Variants in NT5DC3 observed in about 807,000 individuals in gnomAD.
NT5DC3 encodes the protein 5'-nucleotidase domain-containing protein 3.
NT5DC3 carries 42 observed loss-of-function variants against 67.8 expected under a neutral mutation model. That is an observed-to-expected ratio of 0.62 (90% CI 0.48 to 0.80). NT5DC3 has a LOEUF of 0.80. Among genes scored for constraint, NT5DC3 ranks in the 30% least tolerant of loss-of-function variants. The pLI, the probability that NT5DC3 is intolerant of heterozygous loss-of-function variation, is 0.00. For synonymous variants in NT5DC3, 237 were observed against 255.6 expected (o/e 0.93, Z 0.69); for missense variants, 570 against 696.4 (o/e 0.82, Z 2.04).
intron 12 of NT5DC3, among the ~76,000 whole-genome samples, chr12:103,782,488 C>T (rs1341476255): frequency 6.6e-6 from 1 of 152,242 alleles, no homozygotes; most frequent in East Asian, 1.9e-4. Context: ...CTGTCCACGG[C>T]TGCTTTTGTG....
chr12:103,785,502 A>G (rs748044208), intron 11 of NT5DC3, 27 bp from the exon 12 acceptor site: 1 of 1,612,372 alleles, frequency 6.2e-7, no homozygotes, highest in African/African-American at 1.3e-5. Context: ...CGAAAAGTCA[A>G]CGTCAGTCTC....
intron 11 of NT5DC3, among the ~76,000 whole-genome samples, chr12:103,786,324 T>A (rs1486752294): frequency 1.3e-5 from 2 of 151,834 alleles, no homozygotes; most frequent in Non-Finnish European, 2.9e-5. Context: ...AGTATGAAAA[T>A]ATGTGGAAAC....
intron 6 of NT5DC3, among the ~76,000 whole-genome samples, chr12:103,794,231 C>A (rs1220200714): frequency 5.3e-5 from 8 of 151,616 alleles, no homozygotes; most frequent in Non-Finnish European, 1.2e-4. Flanking sequence ...CTCAATGCAG[C>A]CTCTGCCTCC....
chr12:103,758,830 G>A, the NT5DC3 span, among the ~76,000 whole-genome samples: 2 of 152,290 alleles, frequency 1.3e-5, no homozygotes, highest in East Asian at 1.9e-4. Context: ...CTGAGGCTCC[G>A]ACAGCCCCAC....
rs1886588714 is a variant in NT5DC3 at position 103,801,648 on chromosome 12, T to C, written c.525-2971A>G. On this transcript the variant is annotated intron_variant, in intron 4 of 13. Transcript: ENST00000392876. ...TACCTGCCTCAGCCTCCCAAAGTGC[T>C]GGGATTACAGGCACGAGCCACAGTG... is the stretch of plus-strand genomic sequence containing the variant. Among the ~76,000 whole-genome samples, 3 of 152,102 alleles carry C rather than the reference T, an allele frequency of 2.0e-5. No individual in the cohort carries two copies. In the South Asian group the frequency reaches 6.2e-4, roughly 31 times the overall value.
At chr12:103,755,459 G>C in the NT5DC3 span, 1 of 1,613,876 alleles carries the variant, frequency 6.2e-7, no homozygotes. Flanking sequence ...TTCTGCTATC[G>C]GATGAAAGGT....
chr12:103,766,472 C>A, downstream of NT5DC3: 1 of 1,023,774 alleles, frequency 9.8e-7, no homozygotes. Flanking sequence ...TCTGGCTGAT[C>A]TGGGGGTTGT....
chr12:103,782,663 G>C lies in NT5DC3; in HGVS notation c.1330-2299C>G, dbSNP rs11111768. Reference sequence around the variant, plus strand: ...CTACCAATGCCAGCACCACCACCATGAACCACAGCCATTTTGGAATGCACT... The same window carrying C: ...CTACCAATGCCAGCACCACCACCATCAACCACAGCCATTTTGGAATGCACT... On this transcript the variant is annotated intron_variant, in intron 12 of 13. Coordinates refer to ENST00000392876, the MANE Select transcript of NT5DC3 (RefSeq NM_001031701.3). Among the ~76,000 whole-genome samples, 142 of 152,268 alleles carry C rather than the reference G, an allele frequency of 9.3e-4. 1 individual carries two copies. Among genetic ancestry groups the C allele is most frequent in the Non-Finnish European group, 1.3e-3 (90 of 68,028 alleles).
At chr12:103,781,784 AG>A (rs201727050) in intron 12 of NT5DC3, among the ~76,000 whole-genome samples, 1,695 of 152,340 alleles carry the variant, frequency 0.011, 12 homozygotes, top group Middle Eastern at 0.02. Flanking sequence ...CATGCACTCT[AG>A]AGTGGGTACT....
rs766607290 is a variant in NT5DC3 at position 103,794,148 on chromosome 12, C to CTTT, written c.754-152_754-151insAAA. The CTTT allele has an allele frequency of 8.9e-3, 4,312 of 485,870 alleles. 42 individuals are homozygous for CTTT. Among genetic ancestry groups the CTTT allele is most frequent in the East Asian group, 0.032 (691 of 21,756 alleles). The allele number at this position is 485,870 out of a possible 1,614,324, so 30.1% of individuals were successfully genotyped here. On this transcript the variant is annotated intron_variant, in intron 6 of 13. Coordinates refer to ENST00000392876, the MANE Select transcript of NT5DC3 (RefSeq NM_001031701.3). ...AATCTAAATTCTGGTCCATTTTCTTCTTCTTTTTTTTTTTTTTTTGAGACA... is the reference window on the plus strand; with the variant it reads ...AATCTAAATTCTGGTCCATTTTCTTCTTTTTCTTTTTTTTTTTTTTTTGAGACA...
Position 103,785,751 on chromosome 12 carries a change from T to TAAA in NT5DC3, c.1189-279_1189-277dup, listed in dbSNP as rs201632707. 909 of 366,696 alleles carry TAAA rather than the reference T, an allele frequency of 2.5e-3. 11 individuals carry two copies. Among genetic ancestry groups the TAAA allele is most frequent in the African/African-American group, 4.2e-3 (125 of 29,876 alleles). The allele number at this position is 366,696 out of a possible 1,614,324, so 22.7% of individuals were successfully genotyped here. A position where few individuals can be genotyped will look rare whatever the true frequency, so the allele number is the denominator to read the frequency against. On this transcript the variant is annotated intron_variant, in intron 11 of 13. Coordinates refer to ENST00000392876, the MANE Select transcript of NT5DC3 (RefSeq NM_001031701.3). ...GTCTGGAATCATTAACCATGGTCTG[T>TAAA]AAAAAAAAAAAAAAAAAAAAAAAAA... is the stretch of plus-strand genomic sequence containing the variant.
At chr12:103,778,520 A>C (rs1023778780) in intron 13 of NT5DC3, among the ~76,000 whole-genome samples, 1 of 141,366 alleles carries the variant, frequency 7.1e-6, no homozygotes, top group African/African-American at 2.7e-5. Flanking sequence ...AACAGAGCGA[A>C]ACTCCGTCTC....
chr12:103,803,632 C>T (rs1886673200), intron 4 of NT5DC3, among the ~76,000 whole-genome samples: 1 of 152,042 alleles, frequency 6.6e-6, no homozygotes, highest in African/African-American at 2.4e-5. Flanking sequence ...CTTCTCCCAC[C>T]CTCCACCCTC....
intron 4 of NT5DC3, among the ~76,000 whole-genome samples, chr12:103,805,813 TGC>T (rs1439206585): frequency 7.7e-6 from 1 of 130,226 alleles, no homozygotes; most frequent in African/African-American, 3.0e-5. Flanking sequence ...GCCATTGCAC[TGC>T]AGCCTGGGCA....
At chr12:103,802,300 G>A (rs1886623124) in intron 4 of NT5DC3, 1 of 152,202 alleles carries the variant, frequency 6.6e-6, no homozygotes, top group African/African-American at 2.4e-5. Context: ...ACCACAAGTT[G>A]GCCATGGAGG....
intron 6 of NT5DC3, 39 bp from the exon 7 acceptor site, chr12:103,794,036 T>G (rs1292891315): frequency 6.8e-7 from 1 of 1,477,058 alleles, no homozygotes; most frequent in Non-Finnish European, 9.5e-7. Context: ...AAAATACAAC[T>G]GAGATAGCCT....
At chr12:103,810,947 G>A (rs1400206789) in intron 2 of NT5DC3, among the ~76,000 whole-genome samples, 2 of 152,148 alleles carry the variant, frequency 1.3e-5, no homozygotes, top group Non-Finnish European at 2.9e-5. Flanking sequence ...TAGAGGCAAC[G>A]CAGAAGGGAA....
At chr12:103,748,015 G>GGGAA in the NT5DC3 span, among the ~76,000 whole-genome samples, 1 of 144,970 alleles carries the variant, frequency 6.9e-6, no homozygotes, top group Non-Finnish European at 1.5e-5. Context: ...AAAAAAAAAA[G>GGGAA]GGAAGAAGAA....
chr12:103,841,113 G>C lies in NT5DC3; in HGVS notation c.44C>G (p.Ala15Gly). 2 of 1,058,418 alleles carry C rather than the reference G, an allele frequency of 1.9e-6. No individual in the cohort carries two copies. The highest frequency in any genetic ancestry group is 2.5e-6 in the Non-Finnish European group (2 of 815,784). The allele number at this position is 1,058,418 out of a possible 1,614,324, so 65.6% of individuals were successfully genotyped here. ...AAAVVARGAG[A>G]RAATAAALRG... Reference sequence around the variant, plus strand: ...CAAAGCCGCCGCTGTCGCTGCCCTCGCCCCGGCCCCGCGTGCCACCACCGC... The same window carrying C: ...CAAAGCCGCCGCTGTCGCTGCCCTCCCCCCGGCCCCGCGTGCCACCACCGC... Residue 15 changes from alanine to glycine, a missense_variant, in exon 1 of 14, where the codon GCG becomes GGG. Coordinates refer to ENST00000392876, the MANE Select transcript of NT5DC3 (RefSeq NM_001031701.3).
Sources: allele counts gnomAD v4.1 joint callset (sites outside exome capture counted in the v4.1 genomes callset), GRCh38; gene constraint gnomAD v4.1.1; transcripts MANE v1.5; gene names NCBI Gene and HGNC (gene_info 2026-07-23, HGNC 2026-07-21).